PBX1: variants seen among roughly 807,000 people sequenced by gnomAD.
The protein encoded by PBX1 is pre-B-cell leukemia transcription factor 1.
Under a neutral mutation model 53.4 loss-of-function variants are expected in PBX1, and 6 were observed. That is an observed-to-expected ratio of 0.11 (90% CI 0.06 to 0.22). The LOEUF is 0.22. PBX1 is among the 10% of genes least tolerant of loss of function. The pLI is 1.00. For missense variants in PBX1, 251 were observed against 551.4 expected (o/e 0.46, Z 5.46); for synonymous variants, 204 against 212.3 (o/e 0.96, Z 0.34).
intron 2 of PBX1, among the ~76,000 whole-genome samples, chr1:164,573,228 C>T (rs1653993381): frequency 2.0e-5 from 3 of 151,892 alleles, no homozygotes; most frequent in South Asian, 4.1e-4. Context: ...AGATATTTTG[C>T]ATTCTTTTTT....
At chr1:164,667,412 ATG>A (rs59721347) in intron 2 of PBX1, among the ~76,000 whole-genome samples, 54 of 147,454 alleles carry the variant, frequency 3.7e-4, no homozygotes, top group East Asian at 1.4e-3. Context: ...TATGTATAAT[ATG>A]TGTGTGTGTG....
chr1:164,788,623 T>G (rs893549729), intron 2 of PBX1, among the ~76,000 whole-genome samples: 3 of 152,180 alleles, frequency 2.0e-5, no homozygotes, highest in Admixed American at 6.5e-5. Flanking sequence ...GGTTTTCCCT[T>G]GTTCATATTG....
intron 8 of PBX1, 120 bp downstream of exon 8, chr1:164,821,746 A>G (rs549900715): frequency 3.0e-4 from 232 of 774,286 alleles, no homozygotes; most frequent in Non-Finnish European, 4.3e-4. Flanking sequence ...ACGGTCACCT[A>G]GTTTCTTGTT....
At chr1:164,771,868 CTG>C (rs1667388097) in intron 2 of PBX1, among the ~76,000 whole-genome samples, 1 of 152,128 alleles carries the variant, frequency 6.6e-6, no homozygotes, top group Non-Finnish European at 1.5e-5. Context: ...CCCGCCAGAC[CTG>C]TCTGTCTGAG....
intron 4 of PBX1, among the ~76,000 whole-genome samples, chr1:164,807,082 C>T (rs989139405): frequency 6.6e-6 from 1 of 152,078 alleles, no homozygotes; most frequent in African/African-American, 2.4e-5. Context: ...TATGATGAAA[C>T]CCCATCTCTA....
chr1:164,851,781 A>G lies in PBX1; in HGVS notation c.*5105A>G, dbSNP rs1231869805. On this transcript the variant is annotated 3_prime_UTR_variant, in exon 9 of 9. Transcript: ENST00000420696. The stretch of plus-strand genomic sequence containing the variant: ...TAGGTTTTACAGTCTCCTAATTTGT[A>G]CTGGTAATGCATATTCCAAATAAAT... 5.6e-6 allele frequency: 1 copy of G among 177,076 alleles called. No homozygotes were observed. The highest frequency in any genetic ancestry group is 1.2e-5 in the Non-Finnish European group (1 of 82,354). The allele number at this position is 177,076 out of a possible 1,614,324, so 11.0% of individuals were successfully genotyped here. A position where few individuals can be genotyped will look rare whatever the true frequency, so the allele number is the denominator to read the frequency against.
At chr1:164,792,321 T>G (rs1668554808) in intron 2 of PBX1, among the ~76,000 whole-genome samples, 173 bp from the exon 3 acceptor site, 1 of 152,180 alleles carries the variant, frequency 6.6e-6, no homozygotes, top group African/African-American at 2.4e-5. Context: ...AAGTCCCTCC[T>G]TCATTTTCTC....
At chr1:164,709,088 T>C (rs1444149289) in intron 2 of PBX1, among the ~76,000 whole-genome samples, 3 of 152,146 alleles carry the variant, frequency 2.0e-5, no homozygotes, top group Non-Finnish European at 4.4e-5. Flanking sequence ...ACGGTACTCA[T>C]GGGGCCTGCT....
chr1:164,766,717 C>A (rs1159515027), intron 2 of PBX1, among the ~76,000 whole-genome samples: 2 of 147,956 alleles, frequency 1.4e-5, no homozygotes, highest in South Asian at 2.2e-4. Flanking sequence ...CTTTCCTTTT[C>A]TTTTATTTAT....
At chr1:164,700,534 C>T (rs980932646) in intron 2 of PBX1, 1 of 985,352 alleles carries the variant, frequency 1.0e-6, no homozygotes, top group East Asian at 1.1e-4. Flanking sequence ...TTACCACTGA[C>T]CAGAATGTGG....
intron 2 of PBX1, among the ~76,000 whole-genome samples, chr1:164,675,801 A>G (rs1661401047): frequency 6.6e-6 from 1 of 152,158 alleles, no homozygotes; most frequent in South Asian, 2.1e-4. Flanking sequence ...AAAACTTTCA[A>G]GCAGATCTTG....
intron 4 of PBX1, 92 bp downstream of exon 4, chr1:164,799,981 C>T (rs1377456158): frequency 3.3e-6 from 4 of 1,229,032 alleles, no homozygotes. Flanking sequence ...GCTCTAGTTT[C>T]ACCCCATCAA....
intron 1 of PBX1, chr1:164,560,273 C>T: frequency 5.0e-6 from 2 of 402,170 alleles, no homozygotes; most frequent in Non-Finnish European, 8.8e-6. Context: ...CATTTATATC[C>T]ACACAAACAC....
intron 2 of PBX1, chr1:164,590,240 G>A (rs1655274231): frequency 9.8e-6 from 4 of 409,548 alleles, no homozygotes; most frequent in Admixed American, 8.7e-5. Flanking sequence ...GGGTCAGGGA[G>A]CAGATAGAAG....
intron 2 of PBX1, among the ~76,000 whole-genome samples, chr1:164,693,067 C>CTG (rs1015021758): frequency 4.6e-5 from 7 of 152,236 alleles, no homozygotes; most frequent in African/African-American, 1.7e-4. Flanking sequence ...GCCAAGGTCA[C>CTG]TGTGTGTGCC....
intron 2 of PBX1, among the ~76,000 whole-genome samples, chr1:164,654,093 G>T (rs1026876038): frequency 2.0e-5 from 3 of 152,120 alleles, no homozygotes; most frequent in African/African-American, 7.2e-5. Flanking sequence ...ACTAGAAATT[G>T]CTGGCAGATA....
rs111327965 is a variant in PBX1 at position 164,846,927 on chromosome 1, G to A, written c.*251G>A. ...GCCTCCAGCTGTCAGCCTGGTTTTCGTCATCTTCCCTGCCCCTGTGCCTCT... is the reference window on the plus strand; with the variant it reads ...GCCTCCAGCTGTCAGCCTGGTTTTCATCATCTTCCCTGCCCCTGTGCCTCT... On this transcript the variant is annotated 3_prime_UTR_variant, in exon 9 of 9. Transcript: ENST00000420696. 26 of 1,360,812 alleles carry A rather than the reference G, an allele frequency of 1.9e-5. No homozygotes were observed. In the African/African-American group the frequency reaches 2.2e-4, roughly 11 times the overall value. The allele number at this position is 1,360,812 out of a possible 1,614,324, so 84.3% of individuals were successfully genotyped here. A position where few individuals can be genotyped will look rare whatever the true frequency, so the allele number is the denominator to read the frequency against.
chr1:164,570,679 T>A (rs1653783458), intron 2 of PBX1, among the ~76,000 whole-genome samples: 1 of 152,240 alleles, frequency 6.6e-6, no homozygotes, highest in South Asian at 2.1e-4. Flanking sequence ...TGTGTGCATG[T>A]GTCTTTATAG....
rs1039367384 is a variant in PBX1, at chr1:164,847,690, A to G, written c.*1014A>G. The G allele has an allele frequency of 4.2e-5, 44 of 1,056,566 alleles. No homozygotes were observed. In the African/African-American group the frequency reaches 6.3e-4, roughly 15 times the overall value. 65.4% of individuals were successfully genotyped at this position (1,056,566 alleles called of 1,614,324 possible). ...TCACTTTCCCGAGATGCCATATACAATTACCTACATTAATAACTGTAGCAC... is the reference window on the plus strand; with the variant it reads ...TCACTTTCCCGAGATGCCATATACAGTTACCTACATTAATAACTGTAGCAC... On this transcript the variant is annotated 3_prime_UTR_variant, in exon 9 of 9. Coordinates refer to ENST00000420696, the MANE Select transcript of PBX1 (RefSeq NM_002585.4).
Sources: allele counts gnomAD v4.1 joint callset (sites outside exome capture counted in the v4.1 genomes callset), GRCh38; gene constraint gnomAD v4.1.1; transcripts MANE v1.5; gene names NCBI Gene and HGNC (gene_info 2026-07-23, HGNC 2026-07-21).